The following TAF1 variants were observed in gnomAD, a reference collection of about 807,000 sequenced individuals.
TAF1 encodes transcription initiation factor TFIID subunit 1.
In TAF1, 2 loss-of-function variants were observed where a neutral mutation model predicts 138.5. The observed-to-expected ratio is 0.01, with a 90% CI of 0.01 to 0.05. The LOEUF (loss-of-function observed/expected upper bound fraction) is 0.05, where lower values mean the gene tolerates loss of function less well. Among genes scored for constraint, TAF1 ranks in the 10% least tolerant of loss-of-function variants. TAF1 has a pLI of 1.00. For missense variants in TAF1, 709 were observed against 1,478.0 expected, an observed-to-expected ratio of 0.48 and a Z score of 8.53; for synonymous variants, 437 against 503.2, an observed-to-expected ratio of 0.87 and a Z score of 1.76.
intron 13 of TAF1, among the ~76,000 whole-genome samples, chrX:71,525,918 G>A (rs1356527092): frequency 9.2e-6 from 1 of 108,734 alleles, no homozygotes; most frequent in African/African-American, 3.4e-5. Flanking sequence ...TCCCACTTTG[G>A]CCTCCCAAAG....
intron 8 of TAF1, among the ~76,000 whole-genome samples, chrX:71,379,510 A>G (rs1407178128): frequency 3.6e-5 from 4 of 109,780 alleles, no homozygotes; most frequent in African/African-American, 9.9e-5. Flanking sequence ...TTTATGCTCA[A>G]CCTGGAGGAA....
At chrX:71,512,377 T>C (rs1333826075) in intron 13 of TAF1, among the ~76,000 whole-genome samples, 1 of 112,127 alleles carries the variant, frequency 8.9e-6, no homozygotes, top group African/African-American at 3.2e-5. Context: ...ATTTCTTTAG[T>C]ATTCACACAT....
In TAF1 at chrX:71,455,149, C is replaced by T. The variant is rs1332876609; in HGVS notation, c.4938+292C>T. 37 of 881,307 alleles carry T rather than the reference C, an allele frequency of 4.2e-5. 1 individual carries two copies. The South Asian group carries it at 5.3e-4, about 13-fold the overall frequency. The allele number at this position is 881,307 out of a possible 1,213,427, so 72.6% of individuals were successfully genotyped here. A position where few individuals can be genotyped will look rare whatever the true frequency, so the allele number is the denominator to read the frequency against. ...CCTGACCCAGCCATCCTCTGGGTCT[C>T]GGGAATTTTCTTGTCCATGAATTTT... is the stretch of plus-strand genomic sequence containing the variant. On this transcript the variant is annotated intron_variant, in intron 34 of 37. Transcript: ENST00000423759.
intron 4 of TAF1, among the ~76,000 whole-genome samples, chrX:71,376,280 C>T (rs2033467677): frequency 1.8e-5 from 2 of 111,856 alleles, no homozygotes; most frequent in Admixed American, 9.5e-5. Context: ...AAAAATTCTC[C>T]AGCTCATGAG....
chrX:71,509,135 A>T (rs1004209652), intron 13 of TAF1, among the ~76,000 whole-genome samples: 1 of 111,652 alleles, frequency 9.0e-6, no homozygotes, highest in Non-Finnish European at 1.9e-5. Context: ...AAAACAAAAA[A>T]TTCAAACTAG....
intron 33 of TAF1, among the ~76,000 whole-genome samples, 153 bp downstream of exon 33, chrX:71,454,390 G>C (rs2038191034): frequency 9.0e-6 from 1 of 111,061 alleles, no homozygotes; most frequent in African/African-American, 3.3e-5. Context: ...ATTTGAGCCT[G>C]GGAGGTCAAG....
At chrX:71,511,260 C>T (rs752098748) in intron 13 of TAF1, among the ~76,000 whole-genome samples, 3 of 112,048 alleles carry the variant, frequency 2.7e-5, no homozygotes, top group African/African-American at 9.7e-5. Flanking sequence ...GCTAATTGCC[C>T]TGCTCTAAAA....
chrX:71,405,749 A>G lies in TAF1; in HGVS notation c.3999-889A>G, dbSNP rs1325152314. 5.4e-5 allele frequency among the ~76,000 whole-genome samples: 6 copies of G among 112,107 alleles called. No individual in the cohort carries two copies. The East Asian group carries it at 8.4e-4, about 16-fold the overall frequency. On this transcript the variant is annotated intron_variant, in intron 25 of 37. Transcript: ENST00000423759. ...GGGCCGGACGTGGTGGCTCATGCCTATAATCCCAGCACTTTGGGAGGCTGA... is the reference window on the plus strand; with the variant it reads ...GGGCCGGACGTGGTGGCTCATGCCTGTAATCCCAGCACTTTGGGAGGCTGA...
intron 28 of TAF1, among the ~76,000 whole-genome samples, chrX:71,418,796 TTCAC>T (rs1391272666): frequency 5.9e-5 from 6 of 100,996 alleles, no homozygotes; most frequent in Non-Finnish European, 1.2e-4. Context: ...GAGATGGAGT[TTCAC>T]TCTTGTTGCC....
intron 13 of TAF1, among the ~76,000 whole-genome samples, chrX:71,501,430 G>T (rs760597180): frequency 9.0e-6 from 1 of 111,487 alleles, no homozygotes; most frequent in East Asian, 2.8e-4. Flanking sequence ...GAGACAGGGA[G>T]TGGTTTTTAA....
chrX:71,385,076 G>T, intron 14 of TAF1, 27 bp downstream of exon 14: 1 of 1,095,625 alleles, frequency 9.1e-7, no homozygotes. Flanking sequence ...TGTTTTTACT[G>T]TTAACTAAGG....
intron 3 of TAF1, chrX:71,369,012 G>A (rs961210631): frequency 9.4e-6 from 1 of 106,273 alleles, no homozygotes; most frequent in Non-Finnish European, 1.9e-5. Flanking sequence ...CACCAAGCCC[G>A]GCTATTTTTT....
At chrX:71,529,687 C>T (rs1472066319) in intron 14 of TAF1, 1 of 330,508 alleles carries the variant, frequency 3.0e-6, no homozygotes, top group Admixed American at 3.1e-5. Flanking sequence ...AAATTTTGAA[C>T]TCTTTACTTT....
chrX:71,367,146 C>T (rs2032592410), intron 1 of TAF1, among the ~76,000 whole-genome samples: 1 of 112,378 alleles, frequency 8.9e-6, no homozygotes, highest in Admixed American at 9.4e-5. Context: ...AGGGACCGAA[C>T]GAGCCCCGCC....
At position 71,503,324 on chromosome X, in the gene TAF1, G is replaced by GTATATATA. The variant is rs1425087903; in HGVS notation, c.1367-25217_1367-25216insATATATAT. On this transcript the variant is annotated intron_variant and NMD_transcript_variant, in intron 13 of 14. Coordinates refer to the TAF1 transcript ENST00000373775. ...TATATATATATATATATATATATGT[G>GTATATATA]TGTGTATATATATATATATGTGTAT... Among the ~76,000 whole-genome samples the GTATATATA allele has an allele frequency of 3.4e-3, 311 of 92,711 alleles. 6 individuals carry two copies. The highest frequency in any genetic ancestry group is 0.013 in the African/African-American group (288 of 22,470). The allele number at this position is 92,711 out of a possible 115,157, so 80.5% of individuals were successfully genotyped here. A position where few individuals can be genotyped will look rare whatever the true frequency, so the allele number is the denominator to read the frequency against.
At chrX:71,425,484 T>G (rs910744310) in intron 32 of TAF1, among the ~76,000 whole-genome samples, 2 of 110,696 alleles carry the variant, frequency 1.8e-5, no homozygotes, top group Non-Finnish European at 3.8e-5. Context: ...AAAAAACTTA[T>G]AAACAAAAGC....
chrX:71,523,531 G>A (rs2039942198), intron 13 of TAF1, among the ~76,000 whole-genome samples: 1 of 110,770 alleles, frequency 9.0e-6, no homozygotes, highest in Non-Finnish European at 1.9e-5. Flanking sequence ...ATTATGACAG[G>A]GTATATTTCT....
chrX:71,492,760 G>A (rs748675066), intron 13 of TAF1: 1 of 114,108 alleles, frequency 8.8e-6, no homozygotes, highest in South Asian at 3.6e-4. Flanking sequence ...TCTCCTCCAG[G>A]AAAGTCTCCG....
At chrX:71,455,030 G>A in intron 34 of TAF1, 173 bp downstream of exon 34, 1 of 1,158,689 alleles carries the variant, frequency 8.6e-7, no homozygotes, top group Non-Finnish European at 1.1e-6. Flanking sequence ...AGGGCCATGG[G>A]TCTTGGTGGC....
Sources: allele counts gnomAD v4.1 joint callset (sites outside exome capture counted in the v4.1 genomes callset), GRCh38; gene constraint gnomAD v4.1.1; transcripts MANE v1.5; gene names NCBI Gene and HGNC (gene_info 2026-07-23, HGNC 2026-07-21).